The following LDB2 variants were observed in gnomAD, a reference collection of about 807,000 sequenced individuals.
The protein encoded by LDB2 is LIM domain-binding protein 2.
LDB2 carries 12 observed loss-of-function variants against 44.3 expected under a neutral mutation model. The ratio of observed to expected loss-of-function variants is 0.27; its 90% confidence interval spans 0.17 to 0.44. The LOEUF (loss-of-function observed/expected upper bound fraction) is 0.44, where lower values mean the gene tolerates loss of function less well. LDB2 is among the 20% of genes least tolerant of loss of function. The pLI, the probability that LDB2 is intolerant of heterozygous loss-of-function variation, is 1.00. For missense variants in LDB2, 344 were observed against 473.5 expected, an observed-to-expected ratio of 0.73 and a Z score of 2.54; for synonymous variants, 164 against 174.8, an observed-to-expected ratio of 0.94 and a Z score of 0.49.
chr4:16,681,265 C>T (rs1039251606), intron 2 of LDB2, among the ~76,000 whole-genome samples: 1 of 152,152 alleles, frequency 6.6e-6, no homozygotes, highest in African/African-American at 2.4e-5. Context: ...ATGTGGGTGA[C>T]CCCCAAAAGC....
In LDB2 at chr4:16,898,604, G is replaced by GAGGC. The variant is rs1174904247; in HGVS notation, c.-123_-120dup. The GAGGC allele has an allele frequency of 1.1e-5, 10 of 928,010 alleles. No homozygotes were observed. The highest frequency in any genetic ancestry group is 6.1e-5 in the East Asian group (2 of 32,746). The allele number at this position is 928,010 out of a possible 1,614,324, so 57.5% of individuals were successfully genotyped here. Reference sequence around the variant, plus strand: ...ACGCACACACGCTCACACACACACAGAGGCAGGCAGGCAGGCAGGCTGAAC... The same window carrying GAGGC: ...ACGCACACACGCTCACACACACACAGAGGCAGGCAGGCAGGCAGGCAGGCTGAAC... On this transcript the variant is annotated 5_prime_UTR_variant, in exon 1 of 8. Transcript: ENST00000304523.
chr4:16,502,394 A>G lies in LDB2; in HGVS notation c.*249T>C. On this transcript the variant is annotated 3_prime_UTR_variant, in exon 8 of 8. Transcript: ENST00000304523. ...TGCGCTAGAGTTTTCTCTCATTTTA[A>G]TTACAATCAGTGCCAGTATCTGTAT... The G allele has an allele frequency of 2.0e-6, 1 of 492,354 alleles. No individual in the cohort carries two copies. The highest frequency in any genetic ancestry group is 3.2e-5 in the South Asian group (1 of 31,594). The allele number at this position is 492,354 out of a possible 1,614,324, so 30.5% of individuals were successfully genotyped here.
chr4:16,785,804 A>C (rs1453267828), intron 1 of LDB2, among the ~76,000 whole-genome samples: 2 of 152,200 alleles, frequency 1.3e-5, no homozygotes, highest in Non-Finnish European at 2.9e-5. Context: ...ACCACTTCTC[A>C]AGAAATTCAC....
chr4:16,565,835 A>G (rs964816117), intron 5 of LDB2, among the ~76,000 whole-genome samples: 25 of 152,080 alleles, frequency 1.6e-4, no homozygotes, highest in African/African-American at 2.2e-4. Flanking sequence ...TCGTAAGTAC[A>G]AACCAAATCA....
rs113490072 is a variant in LDB2 at position 16,782,352 on chromosome 4, C to CTT, written c.133-23094_133-23093dup. ...AAAGAAGGAATGAATAAAATAAATA[C>CTT]TTTTTTTTTTTTTTTTGAGACGGAG... On this transcript the variant is annotated intron_variant, in intron 1 of 7. Transcript: ENST00000304523. 7.8e-3 allele frequency among the ~76,000 whole-genome samples: 1,116 copies of CTT among 143,436 alleles called. 9 individuals are homozygous for CTT. The highest frequency in any genetic ancestry group is 0.025 in the Middle Eastern group (7 of 280). The allele number at this position is 143,436 out of a possible 152,430, so 94.1% of individuals were successfully genotyped here.
intron 1 of LDB2, among the ~76,000 whole-genome samples, chr4:16,875,113 C>T (rs1012457855): frequency 1.3e-5 from 2 of 152,044 alleles, no homozygotes; most frequent in African/African-American, 2.4e-5. Flanking sequence ...AACAAGTATT[C>T]ACTGGACAGC....
chr4:16,710,174 A>T (rs1363598741), intron 2 of LDB2, among the ~76,000 whole-genome samples: 1 of 152,168 alleles, frequency 6.6e-6, no homozygotes, highest in East Asian at 1.9e-4. Flanking sequence ...TTTTAAAAAT[A>T]TTTCTGCCTT....
At chr4:16,763,123 T>C (rs886679672) in intron 1 of LDB2, among the ~76,000 whole-genome samples, 1 of 141,886 alleles carries the variant, frequency 7.0e-6, no homozygotes, top group South Asian at 2.3e-4. Context: ...ACACACGTAA[T>C]TGGTTTTGGT....
intron 2 of LDB2, among the ~76,000 whole-genome samples, chr4:16,633,973 T>A (rs535537711): frequency 6.6e-6 from 1 of 152,258 alleles, no homozygotes; most frequent in South Asian, 2.1e-4. Flanking sequence ...TCTACCACCA[T>A]CTGATCTTTG....
At chr4:16,713,158 A>T (rs1756308893) in intron 2 of LDB2, among the ~76,000 whole-genome samples, 1 of 152,228 alleles carries the variant, frequency 6.6e-6, no homozygotes, top group Non-Finnish European at 1.5e-5. Context: ...TAGACATAGA[A>T]ATTACACTAA....
chr4:16,890,689 A>G (rs1307701932), intron 1 of LDB2, among the ~76,000 whole-genome samples: 3 of 152,182 alleles, frequency 2.0e-5, no homozygotes, highest in African/African-American at 7.2e-5. Context: ...ATGGCCATGC[A>G]TGAACTGAGG....
chr4:16,634,052 C>T (rs1181785597), intron 2 of LDB2, among the ~76,000 whole-genome samples: 1 of 152,118 alleles, frequency 6.6e-6, no homozygotes, highest in Non-Finnish European at 1.5e-5. Flanking sequence ...GGAAAACTGG[C>T]TAGCCATATG....
At chr4:16,544,364 G>T (rs1734962057) in intron 5 of LDB2, among the ~76,000 whole-genome samples, 1 of 152,206 alleles carries the variant, frequency 6.6e-6, no homozygotes, top group African/African-American at 2.4e-5. Flanking sequence ...GAGACATGGG[G>T]GTGGCTGACG....
chr4:16,830,150 C>T (rs1783803142), intron 1 of LDB2, among the ~76,000 whole-genome samples: 1 of 152,106 alleles, frequency 6.6e-6, no homozygotes, highest in Non-Finnish European at 1.5e-5. Flanking sequence ...AAAACACATA[C>T]ACATATTGAT....
intron 1 of LDB2, among the ~76,000 whole-genome samples, chr4:16,884,865 C>T (rs924263670): frequency 4.6e-5 from 7 of 152,198 alleles, no homozygotes; most frequent in Non-Finnish European, 7.3e-5. Context: ...TTATTCCCTA[C>T]ATTACCCATA....
At chr4:16,655,732 G>C (rs1027771734) in intron 2 of LDB2, among the ~76,000 whole-genome samples, 5 of 152,066 alleles carry the variant, frequency 3.3e-5, no homozygotes, top group African/African-American at 1.2e-4. Context: ...ACCAGCTTAT[G>C]GCCAGTAGCC....
chr4:16,888,603 C>T, intron 1 of LDB2: 1 of 440,112 alleles, frequency 2.3e-6, no homozygotes, highest in Non-Finnish European at 3.0e-6. Context: ...TTGAAATATG[C>T]TAGTGCAGGC....
chr4:16,768,404 G>A (rs1282161526), intron 1 of LDB2, among the ~76,000 whole-genome samples: 1 of 152,048 alleles, frequency 6.6e-6, no homozygotes, highest in Non-Finnish European at 1.5e-5. Context: ...AGTCACTCCT[G>A]TTTTACATGC....
At chr4:16,878,285 G>C (rs1441815390) in intron 1 of LDB2, among the ~76,000 whole-genome samples, 11 of 152,114 alleles carry the variant, frequency 7.2e-5, no homozygotes, top group Non-Finnish European at 1.6e-4. Context: ...TTTGGGGCTG[G>C]GGGACACATG....
Sources: gnomAD v4.1 joint callset for allele counts (sites outside exome capture counted in the v4.1 genomes callset) on GRCh38, gnomAD v4.1.1 for gene constraint, MANE v1.5 for transcripts, NCBI Gene and HGNC (gene_info 2026-07-23, HGNC 2026-07-21) for gene names.